Variants in EIF4G3 observed in about 807,000 individuals in gnomAD.
EIF4G3 encodes the protein eukaryotic translation initiation factor 4 gamma 3.
Under a neutral mutation model 186.4 loss-of-function variants are expected in EIF4G3, and 34 were observed. The observed-to-expected ratio is 0.18, with a 90% CI of 0.14 to 0.24. The LOEUF is 0.24. Among genes scored for constraint, EIF4G3 ranks in the 10% least tolerant of loss-of-function variants. The pLI is 1.00. For missense variants in EIF4G3, 1,536 were observed against 1,948.5 expected (o/e 0.79, Z 3.99); for synonymous variants, 673 against 679.5 (o/e 0.99, Z 0.15).
intron 19 of EIF4G3, among the ~76,000 whole-genome samples, chr1:20,880,036 A>G (rs2081899428): frequency 7.2e-5 from 11 of 151,746 alleles, no homozygotes; most frequent in Admixed American, 7.2e-4. Context: ...AAAAAAAAAC[A>G]GGAATAGAAG....
intron 3 of EIF4G3, among the ~76,000 whole-genome samples, chr1:21,085,795 G>T (rs953401771): frequency 6.6e-6 from 1 of 152,064 alleles, no homozygotes; most frequent in Admixed American, 6.6e-5. Flanking sequence ...CTGGATTTAA[G>T]CAATTCTCCT....
chr1:20,968,126 A>G (rs1233125673), intron 12 of EIF4G3, among the ~76,000 whole-genome samples: 5 of 152,002 alleles, frequency 3.3e-5, no homozygotes, highest in Admixed American at 6.6e-5. Context: ...ACGTGTCTCT[A>G]TATCATTTAT....
At chr1:20,901,921 T>G (rs1228877865) in intron 15 of EIF4G3, among the ~76,000 whole-genome samples, 1 of 152,182 alleles carries the variant, frequency 6.6e-6, no homozygotes, top group Non-Finnish European at 1.5e-5. Context: ...AATGCAATGT[T>G]TTTTAAAAGT....
At chr1:21,051,827 GTAC>G (rs2094232203) in intron 3 of EIF4G3, among the ~76,000 whole-genome samples, 1 of 152,074 alleles carries the variant, frequency 6.6e-6, no homozygotes, top group Non-Finnish European at 1.5e-5. Context: ...TCACACCACT[GTAC>G]TACAACCTGA....
At chr1:21,108,873 A>G (rs971036534) in intron 2 of EIF4G3, among the ~76,000 whole-genome samples, 1 of 140,270 alleles carries the variant, frequency 7.1e-6, no homozygotes, top group Non-Finnish European at 1.5e-5. Context: ...ACTGCACTCC[A>G]GACTGGGCGA....
intron 7 of EIF4G3, among the ~76,000 whole-genome samples, chr1:20,991,683 A>G (rs1238148170): frequency 6.6e-6 from 1 of 152,236 alleles, no homozygotes; most frequent in Non-Finnish European, 1.5e-5. Context: ...CAAGTACAGA[A>G]CATTTTCATC....
intron 2 of EIF4G3, among the ~76,000 whole-genome samples, chr1:21,135,590 T>C (rs2097224012): frequency 6.6e-6 from 1 of 152,222 alleles, no homozygotes; most frequent in South Asian, 2.1e-4. Flanking sequence ...TAGTTATTAC[T>C]ACTGGCAAAA....
intron 29 of EIF4G3, among the ~76,000 whole-genome samples, chr1:20,845,865 T>C (rs2070814565): frequency 1.3e-5 from 2 of 152,108 alleles, no homozygotes; most frequent in East Asian, 3.9e-4. Context: ...TTAATGGGAA[T>C]AGCACTGAAT....
At chr1:21,129,164 A>C (rs527606532) in intron 2 of EIF4G3, among the ~76,000 whole-genome samples, 52 of 152,048 alleles carry the variant, frequency 3.4e-4, no homozygotes, top group African/African-American at 1.2e-3. Context: ...AATACAAAAA[A>C]ATTAGCCAGG....
At chr1:21,009,483 G>A (rs908051010) in intron 4 of EIF4G3, among the ~76,000 whole-genome samples, 3 of 151,098 alleles carry the variant, frequency 2.0e-5, no homozygotes, top group African/African-American at 4.9e-5. Context: ...ATCCAGCCCC[G>A]TTCATTCTCA....
rs913602088 is a variant in EIF4G3, at chr1:20,982,419, G to A, written c.178-11C>T. ...AGGTCTGAATCCTCCCTTCAAATAT[G>A]AAGCAAGAAAGCAGCAGGAAACAGA... is the stretch of plus-strand genomic sequence containing the variant. On this transcript the variant is annotated splice_polypyrimidine_tract_variant and intron_variant, in intron 7 of 36. Transcript: ENST00000602326. 6.6e-7 allele frequency: 1 copy of A among 1,525,792 alleles called. No individual in the cohort carries two copies. Among genetic ancestry groups the A allele is most frequent in the Non-Finnish European group, 8.7e-7 (1 of 1,143,004 alleles). The allele number at this position is 1,525,792 out of a possible 1,614,324, so 94.5% of individuals were successfully genotyped here. A position where few individuals can be genotyped will look rare whatever the true frequency, so the allele number is the denominator to read the frequency against.
chr1:20,880,010 T>C (rs1460789902), intron 19 of EIF4G3, among the ~76,000 whole-genome samples: 3 of 151,756 alleles, frequency 2.0e-5, no homozygotes, highest in African/African-American at 7.3e-5. Context: ...TAAAATAATG[T>C]TGTAAAAACT....
intron 4 of EIF4G3, among the ~76,000 whole-genome samples, chr1:21,020,836 T>C (rs973135325): frequency 9.9e-5 from 15 of 152,216 alleles, no homozygotes; most frequent in African/African-American, 3.4e-4. Context: ...GCAGAAACTT[T>C]TAAAATCAAT....
intron 2 of EIF4G3, among the ~76,000 whole-genome samples, chr1:21,090,179 T>C (rs1255192398): frequency 6.6e-6 from 1 of 152,204 alleles, no homozygotes; most frequent in Admixed American, 6.5e-5. Flanking sequence ...ATTACATAGA[T>C]GGTATGCAAT....
chr1:20,845,384 T>A (rs375072712), intron 29 of EIF4G3, among the ~76,000 whole-genome samples: 1 of 152,152 alleles, frequency 6.6e-6, no homozygotes, highest in East Asian at 1.9e-4. Flanking sequence ...TGAAGTAGGC[T>A]GGGCGCGGTG....
intron 15 of EIF4G3, among the ~76,000 whole-genome samples, chr1:20,901,485 A>C (rs1011207048): frequency 2.0e-5 from 3 of 152,230 alleles, no homozygotes; most frequent in Non-Finnish European, 4.4e-5. Flanking sequence ...TTCAGATCTT[A>C]TAAAATGTGA....
intron 4 of EIF4G3, among the ~76,000 whole-genome samples, chr1:21,046,392 G>A (rs2093891092): frequency 6.6e-6 from 1 of 152,216 alleles, no homozygotes; most frequent in Non-Finnish European, 1.5e-5. Flanking sequence ...CAGGTGTGGT[G>A]AAGCACCTGT....
At chr1:21,077,392 C>A (rs1460680494) in intron 3 of EIF4G3, among the ~76,000 whole-genome samples, 1 of 149,318 alleles carries the variant, frequency 6.7e-6, no homozygotes, top group South Asian at 2.1e-4. Context: ...CAGAGCAAGG[C>A]CCTGTCTAGA....
At chr1:20,892,830 T>C in intron 18 of EIF4G3, 1 of 778,156 alleles carries the variant, frequency 1.3e-6, no homozygotes. Context: ...TTATCAAGGT[T>C]GGCTCGCTCT....
Sources: gnomAD v4.1 joint callset for allele counts (sites outside exome capture counted in the v4.1 genomes callset) on GRCh38, gnomAD v4.1.1 for gene constraint, MANE v1.5 for transcripts, NCBI Gene and HGNC (gene_info 2026-07-23, HGNC 2026-07-21) for gene names.